The following MDGA2 variants were observed in gnomAD, a reference collection of about 807,000 sequenced individuals.
The protein encoded by MDGA2 is MAM domain-containing glycosylphosphatidylinositol anchor protein 2.
Under a neutral mutation model 117.8 loss-of-function variants are expected in MDGA2, and 40 were observed. The ratio of observed to expected loss-of-function variants is 0.34; its 90% CI spans 0.26 to 0.44. The LOEUF (loss-of-function observed/expected upper bound fraction) is 0.44, where lower values mean the gene tolerates loss of function less well. Ranked by LOEUF, MDGA2 falls within the 20% of genes least tolerant of loss-of-function variation. MDGA2 has a pLI of 1.00. For synonymous variants in MDGA2, 452 were observed against 439.0 expected, an observed-to-expected ratio of 1.03 and a Z score of -0.37; for missense variants, 1,123 against 1,250.6, an observed-to-expected ratio of 0.90 and a Z score of 1.54.
intron 1 of MDGA2, among the ~76,000 whole-genome samples, chr14:47,353,403 T>A (rs912395655): frequency 2.0e-5 from 3 of 152,222 alleles, no homozygotes; most frequent in Admixed American, 6.5e-5. Flanking sequence ...CCAGGAAACA[T>A]GATCATTTCC....
intron 8 of MDGA2, among the ~76,000 whole-genome samples, chr14:46,993,458 T>G (rs989577743): frequency 9.4e-5 from 14 of 149,104 alleles, no homozygotes; most frequent in East Asian, 7.8e-4. Flanking sequence ...TCTATTTTTT[T>G]GGGGGGGACT....
At chr14:47,613,485 A>ACG (rs1338601973) in intron 1 of MDGA2, among the ~76,000 whole-genome samples, 1 of 151,186 alleles carries the variant, frequency 6.6e-6, no homozygotes, top group African/African-American at 2.4e-5. Context: ...TCTCTCACAC[A>ACG]CACACACACA....
chr14:47,627,168 A>G (rs1409909264), intron 1 of MDGA2, among the ~76,000 whole-genome samples: 2 of 152,072 alleles, frequency 1.3e-5, no homozygotes, highest in African/African-American at 2.4e-5. Flanking sequence ...TATCTAGCTC[A>G]AGGTTTGTAA....
intron 1 of MDGA2, among the ~76,000 whole-genome samples, chr14:47,670,224 G>A (rs754317448): frequency 9.9e-5 from 15 of 152,010 alleles, no homozygotes; most frequent in Non-Finnish European, 1.5e-4. Context: ...AGCTATTTTT[G>A]GACAGTGAAT....
intron 3 of MDGA2, among the ~76,000 whole-genome samples, chr14:47,155,389 C>T (rs567138603): frequency 6.6e-6 from 1 of 152,158 alleles, no homozygotes; most frequent in Admixed American, 6.5e-5. Context: ...AGAGAAGAGC[C>T]ATGGTCCTTC....
chr14:47,474,082 C>A (rs939497361), intron 1 of MDGA2, among the ~76,000 whole-genome samples: 1 of 152,066 alleles, frequency 6.6e-6, no homozygotes, highest in Non-Finnish European at 1.5e-5. Flanking sequence ...CTAGAAAACC[C>A]GACTGTCTCA....
intron 1 of MDGA2, among the ~76,000 whole-genome samples, chr14:47,536,245 T>G (rs1334589512): frequency 6.6e-6 from 1 of 152,058 alleles, no homozygotes; most frequent in African/African-American, 2.4e-5. Flanking sequence ...CAAATACAAA[T>G]TACCAAATGA....
intron 2 of MDGA2, among the ~76,000 whole-genome samples, chr14:47,279,189 T>A (rs1340401838): frequency 6.6e-6 from 1 of 152,176 alleles, no homozygotes; most frequent in Non-Finnish European, 1.5e-5. Context: ...CCAAATTGAT[T>A]AAAAATGTGT....
intron 1 of MDGA2, among the ~76,000 whole-genome samples, chr14:47,331,408 T>C (rs984866818): frequency 6.7e-6 from 1 of 150,332 alleles, no homozygotes; most frequent in East Asian, 1.9e-4. Context: ...ATTATGCCAA[T>C]AGGAAGGTAC....
intron 1 of MDGA2, among the ~76,000 whole-genome samples, chr14:47,335,824 G>T (rs1232169423): frequency 2.7e-5 from 4 of 147,734 alleles, no homozygotes; most frequent in South Asian, 2.2e-4. Context: ...AAGCAGGAAG[G>T]CCAGTTAGGA....
chr14:47,090,004 CA>C (rs1246949558), intron 6 of MDGA2, among the ~76,000 whole-genome samples: 2 of 152,118 alleles, frequency 1.3e-5, no homozygotes, highest in Non-Finnish European at 2.9e-5. Context: ...CTGGTACACT[CA>C]AATGTTAAGA....
chr14:47,497,437 T>C (rs190425998), intron 1 of MDGA2, among the ~76,000 whole-genome samples: 4 of 152,142 alleles, frequency 2.6e-5, no homozygotes, highest in Admixed American at 2.0e-4. Context: ...TTCTATTTTT[T>C]AGTAGAGAAG....
intron 8 of MDGA2, among the ~76,000 whole-genome samples, chr14:47,018,885 T>C: frequency 6.6e-6 from 1 of 152,134 alleles, no homozygotes; most frequent in Non-Finnish European, 1.5e-5. Flanking sequence ...CACATATGGC[T>C]GTCAGGACAA....
intron 1 of MDGA2, among the ~76,000 whole-genome samples, chr14:47,541,302 G>A (rs1351095112): frequency 6.6e-6 from 1 of 152,158 alleles, no homozygotes; most frequent in Non-Finnish European, 1.5e-5. Context: ...AATTCAATTT[G>A]AGAACAAGAA....
intron 14 of MDGA2, among the ~76,000 whole-genome samples, chr14:46,857,048 C>T (rs1881296061): frequency 6.6e-6 from 1 of 152,166 alleles, no homozygotes; most frequent in African/African-American, 2.4e-5. Context: ...CATTATAATT[C>T]ATTTATCTGC....
At chr14:47,389,613 CA>C (rs1891845381) in intron 1 of MDGA2, among the ~76,000 whole-genome samples, 2 of 104,972 alleles carry the variant, frequency 1.9e-5, no homozygotes, top group East Asian at 4.6e-4. Flanking sequence ...CACCCACACA[CA>C]CACACACACA....
At chr14:47,661,183 A>T (rs1897838444) in intron 1 of MDGA2, among the ~76,000 whole-genome samples, 1 of 152,120 alleles carries the variant, frequency 6.6e-6, no homozygotes, top group South Asian at 2.1e-4. Context: ...AATTTTAATA[A>T]TATAAATAAG....
intron 1 of MDGA2, among the ~76,000 whole-genome samples, chr14:47,442,837 C>T (rs1263979634): frequency 2.0e-5 from 3 of 152,122 alleles, no homozygotes; most frequent in Admixed American, 1.3e-4. Flanking sequence ...TAACTCCTAA[C>T]TTCTAAATCA....
chr14:46,992,631 T>C (rs1887135432), intron 8 of MDGA2, among the ~76,000 whole-genome samples: 1 of 152,164 alleles, frequency 6.6e-6, no homozygotes. Context: ...GAATATTCTA[T>C]CATTCAGATC....
Sources: allele counts gnomAD v4.1 joint callset (sites outside exome capture counted in the v4.1 genomes callset), GRCh38; gene constraint gnomAD v4.1.1; transcripts MANE v1.5; gene names NCBI Gene and HGNC (gene_info 2026-07-23, HGNC 2026-07-21).